Variants in HBS1L observed in about 807,000 individuals in gnomAD.
HBS1L encodes HBS1-like protein.
A neutral mutation model predicts 88.9 loss-of-function variants in HBS1L; 55 were observed. That is an observed-to-expected ratio of 0.62 (90% CI 0.50 to 0.77). The LOEUF (loss-of-function observed/expected upper bound fraction) is 0.77, where lower values mean the gene tolerates loss of function less well. Among genes scored for constraint, HBS1L ranks in the 30% least tolerant of loss-of-function variants. The probability of loss-of-function intolerance (pLI) is 0.00; values close to 1 mark genes in which losing one functional copy is unlikely to be tolerated. For missense variants in HBS1L, 741 were observed against 829.3 expected (o/e 0.89, Z 1.31); for synonymous variants, 267 against 288.5 (o/e 0.93, Z 0.76).
intron 5 of HBS1L, 106 bp from the exon 6 acceptor site, chr6:134,997,762 A>G (rs1775334290): frequency 9.5e-7 from 1 of 1,056,834 alleles, no homozygotes; most frequent in Non-Finnish European, 1.4e-6. Context: ...TATGCTCCAG[A>G]CCAGAAATAA....
chr6:135,015,456 C>T lies in HBS1L; in HGVS notation c.431-12614G>A, dbSNP rs559061409. On this transcript the variant is annotated intron_variant, in intron 4 of 17. Coordinates refer to ENST00000367837, the MANE Select transcript of HBS1L (RefSeq NM_006620.4). ...CCCTCCCCTTTCCACTCTCTGTCCTCTAAATCTCAGGACCTCATGGAAGTG... is the reference window on the plus strand; with the variant it reads ...CCCTCCCCTTTCCACTCTCTGTCCTTTAAATCTCAGGACCTCATGGAAGTG... Among the ~76,000 whole-genome samples, 577 of 152,314 alleles carry T rather than the reference C, an allele frequency of 3.8e-3. 3 individuals are homozygous for T. Among genetic ancestry groups the T allele is most frequent in the African/African-American group, 0.012 (516 of 41,570 alleles).
intron 4 of HBS1L, among the ~76,000 whole-genome samples, chr6:135,032,457 T>C (rs1776415287): frequency 6.6e-6 from 1 of 152,128 alleles, no homozygotes; most frequent in Non-Finnish European, 1.5e-5. Flanking sequence ...TTCATATTAA[T>C]CCCTCCCTGT....
intron 4 of HBS1L, among the ~76,000 whole-genome samples, chr6:135,023,508 AATAG>A (rs1310198691): frequency 6.6e-6 from 1 of 152,186 alleles, no homozygotes; most frequent in Non-Finnish European, 1.5e-5. Context: ...AATAATATTA[AATAG>A]ATATTTGCAT....
intron 3 of HBS1L, among the ~76,000 whole-genome samples, chr6:135,041,361 T>C (rs537535201): frequency 8.1e-5 from 12 of 147,856 alleles, no homozygotes; most frequent in African/African-American, 2.9e-4. Flanking sequence ...TCCTCTTTTT[T>C]ATTTATTTAT....
At chr6:134,992,025 G>C (rs952254780) in intron 8 of HBS1L, among the ~76,000 whole-genome samples, 1 of 152,132 alleles carries the variant, frequency 6.6e-6, no homozygotes, top group African/African-American at 2.4e-5. Flanking sequence ...TGGTGACTGT[G>C]CCACTGCACT....
chr6:135,030,181 G>A (rs1776344169), intron 4 of HBS1L, among the ~76,000 whole-genome samples: 1 of 152,152 alleles, frequency 6.6e-6, no homozygotes, highest in Non-Finnish European at 1.5e-5. Context: ...ACAAAAACAA[G>A]TGTATATACA....
At chr6:135,053,054 T>C (rs147034551) in intron 1 of HBS1L, among the ~76,000 whole-genome samples, 44 of 152,332 alleles carry the variant, frequency 2.9e-4, no homozygotes, top group Middle Eastern at 3.4e-3. Context: ...TCCTTAATGT[T>C]ACAGGAACAG....
chr6:134,996,926 C>T lies in HBS1L; in HGVS notation c.816G>A (p.Gly272=), dbSNP rs1775304515. 1.3e-6 allele frequency: 2 copies of T among 1,588,536 alleles called. No homozygotes were observed. Among genetic ancestry groups the T allele is most frequent in the African/African-American group, 1.4e-5 (1 of 73,640 alleles). The part of the protein sequence containing the change: ...NLVVIGHVDA[G]KSTLMGHMLY... ...GCATATGGCCCATCAGAGTACTTTTCCCAGCATCAACATGACCTAAAGAAA... is the reference window on the plus strand; with the variant it reads ...GCATATGGCCCATCAGAGTACTTTTTCCAGCATCAACATGACCTAAAGAAA... The change falls in exon 7 of 18, where the codon GGG becomes GGA. Residue 272 remains glycine, a synonymous_variant. Coordinates refer to ENST00000367837, the MANE Select transcript of HBS1L (RefSeq NM_006620.4).
At chr6:135,052,305 G>A (rs1395684474) in intron 1 of HBS1L, among the ~76,000 whole-genome samples, 1 of 152,150 alleles carries the variant, frequency 6.6e-6, no homozygotes, top group Non-Finnish European at 1.5e-5. Flanking sequence ...AGATATTGAA[G>A]ACAACAATAG....
intron 5 of HBS1L, among the ~76,000 whole-genome samples, chr6:135,001,943 A>AG (rs1204387289): frequency 1.3e-5 from 2 of 151,308 alleles, no homozygotes; most frequent in East Asian, 3.9e-4. Flanking sequence ...TTGGGAAAAG[A>AG]GGAAAAAAAA....
intron 4 of HBS1L, chr6:135,035,990 T>C: frequency 1.5e-6 from 1 of 651,392 alleles, no homozygotes; most frequent in Non-Finnish European, 1.9e-6. Context: ...TTTCATTTTA[T>C]TATTATCAAA....
chr6:135,034,192 T>C (rs1249923857), intron 4 of HBS1L, among the ~76,000 whole-genome samples: 1 of 150,066 alleles, frequency 6.7e-6, no homozygotes, highest in Non-Finnish European at 1.5e-5. Context: ...CCCATCAAAA[T>C]ACTGAATATA....
At chr6:135,026,158 T>TA (rs1195144210) in intron 4 of HBS1L, among the ~76,000 whole-genome samples, 1 of 152,182 alleles carries the variant, frequency 6.6e-6, no homozygotes, top group Non-Finnish European at 1.5e-5. Flanking sequence ...ATAAATTGTT[T>TA]AAAAAAATAA....
chr6:134,994,353 G>C (rs1775231690), intron 7 of HBS1L, among the ~76,000 whole-genome samples: 1 of 152,024 alleles, frequency 6.6e-6, no homozygotes, highest in Admixed American at 6.6e-5. Flanking sequence ...GAAAACATAA[G>C]ATATCAAAGC....
Position 134,986,090 on chromosome 6 carries a change from CT to C in HBS1L, c.1398del (p.Gly467AspfsTer5). The C allele has an allele frequency of 6.5e-7, 1 of 1,547,538 alleles. No individual in the cohort carries two copies. The highest frequency in any genetic ancestry group is 8.9e-7 in the Non-Finnish European group (1 of 1,121,238). ...SQSSELTKWYKGLCLLEQIDS... is the reference protein window; with the variant it reads ...SQSSELTKWYXGLCLLEQIDS... Reference sequence around the variant, plus strand: ...CCAATTTGTTCTAATAAACATAGTCCTTTATACCATTTTGTGAGTTCACTTG... The same window carrying C: ...CCAATTTGTTCTAATAAACATAGTCCTTATACCATTTTGTGAGTTCACTTG... On this transcript the variant is annotated frameshift_variant, in exon 11 of 18. Transcript: ENST00000367837. LOFTEE classifies it high-confidence loss of function.
chr6:135,004,187 G>A (rs531346549), intron 4 of HBS1L, among the ~76,000 whole-genome samples: 1 of 151,520 alleles, frequency 6.6e-6, no homozygotes, highest in East Asian at 1.9e-4. Flanking sequence ...TGCTGGAAAT[G>A]TGATGGTGAA....
At chr6:135,004,820 G>A (rs1050230094) in intron 4 of HBS1L, among the ~76,000 whole-genome samples, 11 of 152,216 alleles carry the variant, frequency 7.2e-5, no homozygotes, top group Admixed American at 4.6e-4. Flanking sequence ...TCAAAGGAGA[G>A]GTCTGAGCTG....
rs962117102 is a variant in HBS1L at position 134,965,072 on chromosome 6, C to G, written c.*207G>C. 1 of 576,436 alleles carries G rather than the reference C, an allele frequency of 1.7e-6. No individual in the cohort carries two copies. The highest frequency in any genetic ancestry group is 3.0e-6 in the Non-Finnish European group (1 of 328,344). The allele number at this position is 576,436 out of a possible 1,614,324, so 35.7% of individuals were successfully genotyped here. A position where few individuals can be genotyped will look rare whatever the true frequency, so the allele number is the denominator to read the frequency against. ...GTTTCAAAGGCAAAGTTGTTTTTAA[C>G]ATTAGACTTTCTTTGCCAGTTGGCA... On this transcript the variant is annotated 3_prime_UTR_variant, in exon 18 of 18. Coordinates refer to ENST00000367837, the MANE Select transcript of HBS1L (RefSeq NM_006620.4).
intron 1 of HBS1L, among the ~76,000 whole-genome samples, chr6:135,054,077 A>G (rs555356133): frequency 1.3e-5 from 2 of 152,370 alleles, no homozygotes; most frequent in East Asian, 3.9e-4. Context: ...GGCCTTTTTA[A>G]CATGTGTCTT....
Sources: allele counts gnomAD v4.1 joint callset (sites outside exome capture counted in the v4.1 genomes callset), GRCh38; gene constraint gnomAD v4.1.1; transcripts MANE v1.5; gene names NCBI Gene and HGNC (gene_info 2026-07-23, HGNC 2026-07-21).